FGF12: variants seen among roughly 807,000 people sequenced by gnomAD.
FGF12 encodes fibroblast growth factor 12B.
In FGF12, 14 loss-of-function variants were observed where a neutral mutation model predicts 23.6. That is an observed-to-expected ratio of 0.59 (90% CI 0.39 to 0.93). The LOEUF is 0.93. Ranked by LOEUF, FGF12 falls within the 40% of genes least tolerant of loss-of-function variation. FGF12 has a pLI of 0.00. For synonymous variants in FGF12, 62 were observed against 77.3 expected (o/e 0.80, Z 1.04); for missense variants, 175 against 217.8 (o/e 0.80, Z 1.24).
intron 2 of FGF12, among the ~76,000 whole-genome samples, chr3:192,401,030 A>T (rs1720739765): frequency 6.6e-6 from 1 of 152,186 alleles, no homozygotes; most frequent in Non-Finnish European, 1.5e-5. Flanking sequence ...CTCAATATTT[A>T]CTGTATTTAG....
intron 2 of FGF12, among the ~76,000 whole-genome samples, chr3:192,379,122 A>G (rs149917927): frequency 0.022 from 3,351 of 152,258 alleles, 126 homozygotes; most frequent in African/African-American, 0.076. Flanking sequence ...TCCATGGTGT[A>G]TATGTACCAC....
At chr3:192,443,940 A>T (rs570843674) in intron 2 of FGF12, among the ~76,000 whole-genome samples, 1 of 152,312 alleles carries the variant, frequency 6.6e-6, no homozygotes, top group South Asian at 2.1e-4. Context: ...TGCAAGGTGC[A>T]ATGCTGGCCC....
chr3:192,644,639 A>G (rs1417979248), intron 2 of FGF12, among the ~76,000 whole-genome samples: 1 of 152,220 alleles, frequency 6.6e-6, no homozygotes. Context: ...GTCAGGTACT[A>G]TAATAGGCTC....
At chr3:192,541,253 T>C (rs1725357032) in intron 2 of FGF12, among the ~76,000 whole-genome samples, 1 of 152,170 alleles carries the variant, frequency 6.6e-6, no homozygotes, top group African/African-American at 2.4e-5. Context: ...TCTCTGACGA[T>C]ATGTTTTAAC....
chr3:192,487,329 C>CT (rs1723666773), intron 2 of FGF12, among the ~76,000 whole-genome samples: 1 of 152,044 alleles, frequency 6.6e-6, no homozygotes, highest in African/African-American at 2.4e-5. Context: ...CCAACTTGAT[C>CT]TTTTTTTTCT....
At chr3:192,191,576 C>T (rs1716792762) in intron 4 of FGF12, among the ~76,000 whole-genome samples, 1 of 152,202 alleles carries the variant, frequency 6.6e-6, no homozygotes, top group South Asian at 2.1e-4. Flanking sequence ...TGGCTCACGC[C>T]TATAATCCCA....
intron 2 of FGF12, among the ~76,000 whole-genome samples, chr3:192,395,830 A>G (rs1720492627): frequency 6.6e-6 from 1 of 152,232 alleles, no homozygotes; most frequent in African/African-American, 2.4e-5. Flanking sequence ...CAGAGTGGAT[A>G]AATGAAGGGT....
intron 4 of FGF12, among the ~76,000 whole-genome samples, chr3:192,285,334 T>C (rs937511704): frequency 6.6e-6 from 1 of 152,012 alleles, no homozygotes; most frequent in Admixed American, 6.6e-5. Flanking sequence ...AATTCAAGCC[T>C]CCTGAGTCTA....
At chr3:192,680,998 C>T (rs1321804603) in intron 2 of FGF12, among the ~76,000 whole-genome samples, 2 of 152,156 alleles carry the variant, frequency 1.3e-5, no homozygotes, top group Non-Finnish European at 2.9e-5. Context: ...CTCAGCTGAA[C>T]AAGTCTTCAG....
chr3:192,585,554 T>C (rs1166049756), intron 2 of FGF12, among the ~76,000 whole-genome samples: 1 of 152,154 alleles, frequency 6.6e-6, no homozygotes, highest in Non-Finnish European at 1.5e-5. Flanking sequence ...CTGGTAGGTA[T>C]CTCACCAGCT....
chr3:192,534,506 G>A lies in FGF12; in HGVS notation c.14-173968C>T, dbSNP rs550613424. On this transcript the variant is annotated intron_variant, in intron 2 of 5. Coordinates refer to ENST00000445105, the MANE Select transcript of FGF12 (RefSeq NM_004113.6). ...CGCCTCCTGGGTTCAAGAGATTCTC[G>A]TGTCTCAGCCTCCCAAGTAGATGGG... is the stretch of plus-strand genomic sequence containing the variant. Among the ~76,000 whole-genome samples, 21 of 152,000 alleles carry A rather than the reference G, an allele frequency of 1.4e-4. No homozygotes were observed. The South Asian group carries it at 1.5e-3, about 11-fold the overall frequency.
At chr3:192,403,111 C>T (rs1213485055) in intron 2 of FGF12, among the ~76,000 whole-genome samples, 1 of 152,108 alleles carries the variant, frequency 6.6e-6, no homozygotes, top group South Asian at 2.1e-4. Flanking sequence ...AGCAAATCTA[C>T]AAAATTTCCA....
At chr3:192,346,887 C>T (rs888166090) in intron 3 of FGF12, among the ~76,000 whole-genome samples, 3 of 151,914 alleles carry the variant, frequency 2.0e-5, no homozygotes, top group Non-Finnish European at 2.9e-5. Context: ...ATAAAAACAG[C>T]GATGATTTGC....
At chr3:192,582,840 G>A (rs112735394) in intron 2 of FGF12, among the ~76,000 whole-genome samples, 18 of 152,088 alleles carry the variant, frequency 1.2e-4, no homozygotes, top group Admixed American at 4.6e-4. Flanking sequence ...CTGAGCTCTC[G>A]GCAGGTACTC....
At chr3:192,369,809 C>A in intron 2 of FGF12, among the ~76,000 whole-genome samples, 1 of 152,208 alleles carries the variant, frequency 6.6e-6, no homozygotes, top group South Asian at 2.1e-4. Flanking sequence ...GACACATACA[C>A]AACTAATCAT....
At chr3:192,520,754 G>A (rs1353036997) in intron 2 of FGF12, among the ~76,000 whole-genome samples, 2 of 152,114 alleles carry the variant, frequency 1.3e-5, no homozygotes. Flanking sequence ...CTCCTGGCCA[G>A]TTCCTGTTCC....
At chr3:192,519,434 G>C (rs1157049270) in intron 2 of FGF12, among the ~76,000 whole-genome samples, 1 of 152,136 alleles carries the variant, frequency 6.6e-6, no homozygotes, top group Non-Finnish European at 1.5e-5. Flanking sequence ...ATCCTTCTTA[G>C]TATATCATTA....
At chr3:192,180,392 C>A (rs944080187) in intron 4 of FGF12, among the ~76,000 whole-genome samples, 1 of 152,160 alleles carries the variant, frequency 6.6e-6, no homozygotes, top group African/African-American at 2.4e-5. Flanking sequence ...ATTGGAGGGG[C>A]AGCACAATTC....
chr3:192,727,225 TG>T lies in FGF12; in HGVS notation c.-33del, dbSNP rs767132961. The T allele has an allele frequency of 3.2e-6, 5 of 1,574,302 alleles. No individual in the cohort carries two copies. The highest frequency in any genetic ancestry group is 1.2e-5 in the South Asian group (1 of 85,242). ...CCCTTTCGAGTGCTGGGAAGTTCAATGGAAGTTGGCCGGAAGATGTGGGCCC... is the reference window on the plus strand; with the variant it reads ...CCCTTTCGAGTGCTGGGAAGTTCAATGAAGTTGGCCGGAAGATGTGGGCCC... On this transcript the variant is annotated 5_prime_UTR_variant, in exon 2 of 6. Coordinates refer to ENST00000445105, the MANE Select transcript of FGF12 (RefSeq NM_004113.6).
Sources: allele counts gnomAD v4.1 joint callset (sites outside exome capture counted in the v4.1 genomes callset), GRCh38; gene constraint gnomAD v4.1.1; transcripts MANE v1.5; gene names NCBI Gene and HGNC (gene_info 2026-07-23, HGNC 2026-07-21).